Variants in EXOC4 observed in about 807,000 individuals in gnomAD.
EXOC4 encodes the protein SEC8-like 1.
EXOC4 carries 71 observed loss-of-function variants against 107.2 expected under a neutral mutation model. The observed-to-expected ratio is 0.66, with a 90% CI of 0.55 to 0.81. The LOEUF is 0.81. EXOC4 is among the 30% of genes least tolerant of loss of function. The probability of loss-of-function intolerance (pLI) is 0.00; values close to 1 mark genes in which losing one functional copy is unlikely to be tolerated. For synonymous variants in EXOC4, 456 were observed against 441.2 expected, an observed-to-expected ratio of 1.03 and a Z score of -0.42; for missense variants, 1,108 against 1,189.6, an observed-to-expected ratio of 0.93 and a Z score of 1.01.
chr7:133,850,638 C>CCT (rs1554409254), intron 11 of EXOC4, among the ~76,000 whole-genome samples: 1 of 150,484 alleles, frequency 6.6e-6, no homozygotes, highest in Non-Finnish European at 1.5e-5. Flanking sequence ...TAGGTTACCC[C>CCT]CCCACACACA....
chr7:133,771,687 G>C (rs922183416), intron 10 of EXOC4, among the ~76,000 whole-genome samples: 1 of 151,962 alleles, frequency 6.6e-6, no homozygotes, highest in African/African-American at 2.4e-5. Flanking sequence ...TTTACAAACA[G>C]CTTCCATTTC....
At chr7:133,587,802 A>G (rs1431717125) in intron 9 of EXOC4, among the ~76,000 whole-genome samples, 2 of 152,248 alleles carry the variant, frequency 1.3e-5, no homozygotes, top group African/African-American at 4.8e-5. Flanking sequence ...GAGAAGAGTT[A>G]AATTTCCTGC....
At chr7:134,003,463 C>A (rs1794574669) in intron 15 of EXOC4, among the ~76,000 whole-genome samples, 1 of 152,126 alleles carries the variant, frequency 6.6e-6, no homozygotes, top group Admixed American at 6.5e-5. Flanking sequence ...TCTCAATAAA[C>A]CTGACTAAAG....
chr7:133,605,533 G>A (rs1329125527), intron 9 of EXOC4, among the ~76,000 whole-genome samples: 1 of 152,126 alleles, frequency 6.6e-6, no homozygotes, highest in African/African-American at 2.4e-5. Context: ...CCGCCACTTA[G>A]CATAATGTTT....
chr7:134,042,872 A>C (rs1324309157), intron 17 of EXOC4, among the ~76,000 whole-genome samples: 1 of 152,214 alleles, frequency 6.6e-6, no homozygotes, highest in Non-Finnish European at 1.5e-5. Flanking sequence ...CCCCGTGTGT[A>C]GTAAACATGC....
At position 133,711,617 on chromosome 7, in the gene EXOC4, C is replaced by T. The variant is rs193185901; in HGVS notation, c.1514+81476C>T. Among the ~76,000 whole-genome samples, 84 of 152,320 alleles carry T rather than the reference C, an allele frequency of 5.5e-4. 1 individual carries two copies. Among genetic ancestry groups the T allele is most frequent in the Non-Finnish European group, 3.1e-4 (21 of 68,028 alleles). ...GTGCCATTATCATAGTCCTTGAATA[C>T]AGTATTTGTAAAGCCGTACTTGTTT... On this transcript the variant is annotated intron_variant, in intron 10 of 17. Coordinates refer to ENST00000253861, the MANE Select transcript of EXOC4 (RefSeq NM_021807.4).
chr7:133,361,437 C>T lies in EXOC4; in HGVS notation c.1007+4864C>T, dbSNP rs370844342. 4.8e-3 allele frequency among the ~76,000 whole-genome samples: 729 copies of T among 152,232 alleles called. 4 individuals are homozygous for T. The highest frequency in any genetic ancestry group is 7.3e-3 in the Non-Finnish European group (495 of 68,008). On this transcript the variant is annotated intron_variant, in intron 6 of 17. Coordinates refer to ENST00000253861, the MANE Select transcript of EXOC4 (RefSeq NM_021807.4). ...CTGGGACTACAGGTGCCTGCCACCACGCCCGGCTAATTTTTTGTATTTTTT... is the reference window on the plus strand; with the variant it reads ...CTGGGACTACAGGTGCCTGCCACCATGCCCGGCTAATTTTTTGTATTTTTT...
At chr7:133,905,887 G>T (rs1195493154) in intron 12 of EXOC4, among the ~76,000 whole-genome samples, 1 of 152,072 alleles carries the variant, frequency 6.6e-6, no homozygotes, top group African/African-American at 2.4e-5. Flanking sequence ...GCTGGCACGG[G>T]GCTAGGCAGC....
intron 13 of EXOC4, among the ~76,000 whole-genome samples, chr7:133,920,466 A>G (rs937503067): frequency 6.6e-5 from 10 of 151,970 alleles, no homozygotes; most frequent in Admixed American, 4.6e-4. Context: ...CATATTAGTT[A>G]TACTTCTTTT....
chr7:133,741,525 T>C (rs190596967), intron 10 of EXOC4, among the ~76,000 whole-genome samples: 41 of 152,296 alleles, frequency 2.7e-4, no homozygotes, highest in Admixed American at 2.7e-3. Context: ...GCAAAGACCT[T>C]TCTAGAGAGA....
intron 6 of EXOC4, among the ~76,000 whole-genome samples, chr7:133,361,029 A>C (rs1334868492): frequency 2.0e-5 from 3 of 152,210 alleles, no homozygotes; most frequent in African/African-American, 7.2e-5. Flanking sequence ...GTATCTCCAG[A>C]ATCTAGCACA....
At chr7:133,308,170 G>T (rs533106915) in intron 4 of EXOC4, among the ~76,000 whole-genome samples, 2 of 152,256 alleles carry the variant, frequency 1.3e-5, no homozygotes, top group East Asian at 3.9e-4. Context: ...TATGAAAGAT[G>T]AACAGTGGTC....
chr7:133,413,132 A>G (rs1284263400), intron 7 of EXOC4, among the ~76,000 whole-genome samples: 2 of 152,236 alleles, frequency 1.3e-5, no homozygotes, highest in South Asian at 2.1e-4. Context: ...TTCAGTACCA[A>G]TTCAAAGCGG....
chr7:133,597,106 A>T (rs1801691953), intron 9 of EXOC4, among the ~76,000 whole-genome samples: 1 of 152,142 alleles, frequency 6.6e-6, no homozygotes, highest in Non-Finnish European at 1.5e-5. Context: ...AATTCATGTC[A>T]CTGGAGCAGC....
chr7:133,840,730 C>T (rs1798009208), intron 11 of EXOC4, among the ~76,000 whole-genome samples: 1 of 152,124 alleles, frequency 6.6e-6, no homozygotes, highest in South Asian at 2.1e-4. Context: ...ATCCACCTGC[C>T]TCAGCCTCCC....
At chr7:133,636,493 G>T (rs369985598) in intron 10 of EXOC4, among the ~76,000 whole-genome samples, 2 of 152,182 alleles carry the variant, frequency 1.3e-5, no homozygotes, top group Non-Finnish European at 2.9e-5. Context: ...GCTTTTAAAA[G>T]GCATTTGGCT....
chr7:133,721,538 A>T (rs1795104887), intron 10 of EXOC4, among the ~76,000 whole-genome samples: 1 of 152,220 alleles, frequency 6.6e-6, no homozygotes, highest in Non-Finnish European at 1.5e-5. Context: ...TTAGAAAAAG[A>T]AAAATCCAGA....
intron 14 of EXOC4, among the ~76,000 whole-genome samples, chr7:133,951,749 A>G (rs958326577): frequency 6.6e-6 from 1 of 152,216 alleles, no homozygotes; most frequent in Non-Finnish European, 1.5e-5. Flanking sequence ...GGCATAGGGT[A>G]AGGTCGTATT....
chr7:133,661,842 A>G (rs888248626), intron 10 of EXOC4, among the ~76,000 whole-genome samples: 8 of 152,166 alleles, frequency 5.3e-5, no homozygotes, highest in Non-Finnish European at 1.0e-4. Flanking sequence ...ATAGTCCTAT[A>G]AAGTATGGTA....
Sources: gnomAD v4.1 joint callset for allele counts (sites outside exome capture counted in the v4.1 genomes callset) on GRCh38, gnomAD v4.1.1 for gene constraint, MANE v1.5 for transcripts, NCBI Gene and HGNC (gene_info 2026-07-23, HGNC 2026-07-21) for gene names.